The following ATP10D variants were observed in gnomAD, a reference collection of about 807,000 sequenced individuals.
The protein encoded by ATP10D is phospholipid-transporting ATPase VD.
A neutral mutation model predicts 144.8 loss-of-function variants in ATP10D; 89 were observed. That is an observed-to-expected ratio of 0.61 (90% CI 0.52 to 0.73). The LOEUF is 0.73. Ranked by LOEUF, ATP10D falls within the 30% of genes least tolerant of loss-of-function variation. ATP10D has a pLI of 0.00. For missense variants in ATP10D, 1,603 were observed against 1,714.8 expected (o/e 0.93, Z 1.15); for synonymous variants, 571 against 615.1 (o/e 0.93, Z 1.06).
chr4:47,522,078 G>A (rs944147503), intron 3 of ATP10D, among the ~76,000 whole-genome samples: 1 of 152,124 alleles, frequency 6.6e-6, no homozygotes, highest in Non-Finnish European at 1.5e-5. Context: ...GGATATTTGG[G>A]AGACAATGAA....
At chr4:47,582,616 T>G (rs568886149) in intron 21 of ATP10D, among the ~76,000 whole-genome samples, 1 of 152,302 alleles carries the variant, frequency 6.6e-6, no homozygotes, top group Admixed American at 6.5e-5. Flanking sequence ...CTCTTTCAGT[T>G]TCTTCAGTAC....
intron 18 of ATP10D, among the ~76,000 whole-genome samples, chr4:47,576,041 C>G (rs1265663825): frequency 6.7e-6 from 1 of 149,196 alleles, no homozygotes; most frequent in South Asian, 2.1e-4. Context: ...ACGCCATTCT[C>G]CTGCCTCAGC....
chr4:47,567,591 A>T (rs907202535), intron 15 of ATP10D, among the ~76,000 whole-genome samples: 6 of 152,226 alleles, frequency 3.9e-5, no homozygotes, highest in Non-Finnish European at 8.8e-5. Flanking sequence ...TTACTTTCTA[A>T]ATGTGCCATT....
chr4:47,509,593 C>T (rs10030996), intron 1 of ATP10D, among the ~76,000 whole-genome samples: 74,028 of 152,012 alleles, frequency 0.49, 18,768 homozygotes, highest in East Asian at 0.79. Context: ...AAGTGTACAA[C>T]ATATTGTTAC....
intron 1 of ATP10D, among the ~76,000 whole-genome samples, chr4:47,510,016 T>C (rs919036881): frequency 1.3e-5 from 2 of 150,842 alleles, no homozygotes; most frequent in Non-Finnish European, 3.0e-5. Flanking sequence ...ATGTATTTCT[T>C]ACTGGGAGAG....
At chr4:47,590,976 T>G (rs1309962295) in intron 22 of ATP10D, 66 bp from the exon 23 acceptor site, 5 of 956,164 alleles carry the variant, frequency 5.2e-6, no homozygotes, top group Admixed American at 3.2e-5. Flanking sequence ...CGTTAGTATT[T>G]GGGGGGGGGG....
At chr4:47,501,452 C>T (rs1715675856) in intron 1 of ATP10D, among the ~76,000 whole-genome samples, 1 of 152,006 alleles carries the variant, frequency 6.6e-6, no homozygotes. Flanking sequence ...ATGAAGCATG[C>T]CTTTAGCGTT....
In ATP10D at chr4:47,503,242, C is replaced by T. The variant is rs1198723783; in HGVS notation, c.-37-9262C>T. On this transcript the variant is annotated intron_variant, in intron 1 of 22. Coordinates refer to ENST00000273859, the MANE Select transcript of ATP10D (RefSeq NM_020453.4). ...AAAAATAAAATAAAATAAAACATAT[C>T]ACTTATTGCTGTGGATATTCCTTCC... Among the ~76,000 whole-genome samples, 7 of 151,978 alleles carry T rather than the reference C, an allele frequency of 4.6e-5. No individual in the cohort carries two copies. In the South Asian group the frequency reaches 1.0e-3, roughly 23 times the overall value.
intron 2 of ATP10D, among the ~76,000 whole-genome samples, chr4:47,513,211 A>C (rs556971915): frequency 6.6e-6 from 1 of 152,222 alleles, no homozygotes; most frequent in East Asian, 1.9e-4. Context: ...TTTCTTACTG[A>C]TAATAGGAGG....
intron 17 of ATP10D, among the ~76,000 whole-genome samples, chr4:47,572,603 AGAG>A (rs1489893810): frequency 6.6e-6 from 1 of 151,004 alleles, no homozygotes; most frequent in Non-Finnish European, 1.5e-5. Flanking sequence ...AGAGGAAATG[AGAG>A]GAGAAGGAAG....
Position 47,591,559 on chromosome 4 carries a change from C to T in ATP10D, c.*178C>T, listed in dbSNP as rs1721052285. 1 of 491,880 alleles carries T rather than the reference C, an allele frequency of 2.0e-6. No individual in the cohort carries two copies. The highest frequency in any genetic ancestry group is 3.5e-6 in the Non-Finnish European group (1 of 285,308). The allele number at this position is 491,880 out of a possible 1,614,324, so 30.5% of individuals were successfully genotyped here. A position where few individuals can be genotyped will look rare whatever the true frequency, so the allele number is the denominator to read the frequency against. Reference sequence around the variant, plus strand: ...TTGTATATACATTTGTGATAGAGGGCTAGAGTTTGACCTAGAGAGAGTTTA... The same window carrying T: ...TTGTATATACATTTGTGATAGAGGGTTAGAGTTTGACCTAGAGAGAGTTTA... On this transcript the variant is annotated 3_prime_UTR_variant, in exon 23 of 23. Transcript: ENST00000273859.
rs148950488 is a variant in ATP10D, at chr4:47,575,573, T to G, written c.3367-1200T>G. On this transcript the variant is annotated intron_variant, in intron 18 of 22. Transcript: ENST00000273859. ...ACCCAGAAGGCAAGAAAATGGACAT[T>G]TGTGCTGTGCCTACTCCATGTCTGT... is the stretch of plus-strand genomic sequence containing the variant. Among the ~76,000 whole-genome samples, 49 of 152,294 alleles carry G rather than the reference T, an allele frequency of 3.2e-4. 1 individual carries two copies. In the East Asian group the frequency reaches 9.3e-3, roughly 29 times the overall value.
chr4:47,533,672 C>T (rs1324880660), intron 5 of ATP10D, among the ~76,000 whole-genome samples: 1 of 152,014 alleles, frequency 6.6e-6, no homozygotes, highest in African/African-American at 2.4e-5. Flanking sequence ...GTATTTTTGC[C>T]ACTGTAGCAA....
intron 22 of ATP10D, among the ~76,000 whole-genome samples, chr4:47,589,049 T>A (rs994972762): frequency 3.9e-5 from 6 of 152,192 alleles, no homozygotes; most frequent in Non-Finnish European, 8.8e-5. Flanking sequence ...AGTGTCCTTA[T>A]AAGAAAGAGG....
At chr4:47,566,226 A>G (rs1000135805) in intron 15 of ATP10D, among the ~76,000 whole-genome samples, 1 of 152,248 alleles carries the variant, frequency 6.6e-6, no homozygotes, top group Non-Finnish European at 1.5e-5. Context: ...TTTACAAATT[A>G]GATTATAAGT....
chr4:47,546,618 C>T lies in ATP10D; in HGVS notation c.1397-6C>T, dbSNP rs533196574. ...ACATTGACTCAGTGTGCTTTTTATC[C>T]CACAGCCAGGAGGTTGGAGTCCTAT... is the stretch of plus-strand genomic sequence containing the variant. On this transcript the variant is annotated splice_region_variant and splice_polypyrimidine_tract_variant and intron_variant, in intron 9 of 22. Coordinates refer to ENST00000273859, the MANE Select transcript of ATP10D (RefSeq NM_020453.4). 1.9e-6 allele frequency: 3 copies of T among 1,612,860 alleles called. No homozygotes were observed. Among genetic ancestry groups the T allele is most frequent in the South Asian group, 2.2e-5 (2 of 91,046 alleles).
chr4:47,555,404 CG>C (rs1248653455), intron 11 of ATP10D, among the ~76,000 whole-genome samples: 2 of 152,122 alleles, frequency 1.3e-5, no homozygotes, highest in African/African-American at 4.8e-5. Flanking sequence ...GGTTGAGGAC[CG>C]CTGGTCTAAG....
At chr4:47,530,229 C>A (rs765122067) in intron 5 of ATP10D, among the ~76,000 whole-genome samples, 1 of 151,860 alleles carries the variant, frequency 6.6e-6, no homozygotes, top group East Asian at 1.9e-4. Flanking sequence ...ACCGGAACAA[C>A]GGTTATTAGG....
chr4:47,512,437 T>C, intron 1 of ATP10D, 67 bp from the exon 2 acceptor site: 1 of 1,077,682 alleles, frequency 9.3e-7, no homozygotes, highest in Non-Finnish European at 1.3e-6. Flanking sequence ...AGAAAAAATA[T>C]TAAAATTTCA....
Sources: allele counts gnomAD v4.1 joint callset (sites outside exome capture counted in the v4.1 genomes callset), GRCh38; gene constraint gnomAD v4.1.1; transcripts MANE v1.5; gene names NCBI Gene and HGNC (gene_info 2026-07-23, HGNC 2026-07-21).